The following HPSE2 variants were observed in gnomAD, a reference collection of about 807,000 sequenced individuals.
HPSE2 encodes the protein inactive heparanase-2.
A neutral mutation model predicts 60.5 loss-of-function variants in HPSE2; 38 were observed. That is an observed-to-expected ratio of 0.63 (90% CI 0.48 to 0.82). The LOEUF is 0.82. Ranked by LOEUF, HPSE2 falls within the 40% of genes least tolerant of loss-of-function variation. The pLI is 0.00. For missense variants in HPSE2, 713 were observed against 740.4 expected (o/e 0.96, Z 0.43); for synonymous variants, 295 against 293.2 (o/e 1.01, Z -0.06).
the HPSE2 span, among the ~76,000 whole-genome samples, chr10:99,285,514 G>A: frequency 7.7e-6 from 1 of 129,878 alleles, no homozygotes; most frequent in East Asian, 2.4e-4. Flanking sequence ...GGAAAGGGAA[G>A]GAGTAGGGTG....
intron 2 of HPSE2, among the ~76,000 whole-genome samples, chr10:99,178,486 A>C (rs902476943): frequency 1.3e-5 from 2 of 148,980 alleles, no homozygotes; most frequent in Admixed American, 1.4e-4. Context: ...AGAATACTAT[A>C]AACACCTCTA....
At chr10:98,545,547 CA>C (rs1943639619) in intron 9 of HPSE2, among the ~76,000 whole-genome samples, 1 of 152,120 alleles carries the variant, frequency 6.6e-6, no homozygotes, top group African/African-American at 2.4e-5. Context: ...GAACCAAAGA[CA>C]AAAACCACAT....
At chr10:98,483,918 C>T (rs533512549) in intron 10 of HPSE2, among the ~76,000 whole-genome samples, 6 of 152,212 alleles carry the variant, frequency 3.9e-5, no homozygotes, top group African/African-American at 1.4e-4. Flanking sequence ...CTTTTTGATG[C>T]CATTGATATT....
intron 3 of HPSE2, among the ~76,000 whole-genome samples, chr10:98,756,202 A>C (rs927506049): frequency 6.6e-6 from 1 of 152,138 alleles, no homozygotes; most frequent in Non-Finnish European, 1.5e-5. Flanking sequence ...TATAGCACTA[A>C]ACACCCACAT....
At chr10:98,555,617 ATTC>A (rs1943985085) in intron 9 of HPSE2, among the ~76,000 whole-genome samples, 2 of 152,336 alleles carry the variant, frequency 1.3e-5, no homozygotes, top group African/African-American at 4.8e-5. Context: ...ATACTTAACT[ATTC>A]TTCTGTGTAT....
rs934148983 is a variant in HPSE2, at chr10:98,743,673, T to A, written c.784+210A>T. 2.9e-5 allele frequency among the ~76,000 whole-genome samples: 4 copies of A among 139,550 alleles called. No homozygotes were observed. The Admixed American group carries it at 2.9e-4, about 10-fold the overall frequency. 91.6% of individuals were successfully genotyped at this position (139,550 alleles called of 152,430 possible). On this transcript the variant is annotated intron_variant, in intron 4 of 11. Transcript: ENST00000370552. Reference sequence around the variant, plus strand: ...ATATTTGGAATGAGGTAACTAGAGATAACTATAGATGCAAATGGTGTGTAT... The same window carrying A: ...ATATTTGGAATGAGGTAACTAGAGAAAACTATAGATGCAAATGGTGTGTAT...
chr10:99,220,188 A>G (rs1187005442), intron 2 of HPSE2, among the ~76,000 whole-genome samples: 2 of 152,218 alleles, frequency 1.3e-5, no homozygotes, highest in Non-Finnish European at 2.9e-5. Flanking sequence ...TAAGATGGAT[A>G]ATGGTGTTTA....
intron 3 of HPSE2, among the ~76,000 whole-genome samples, chr10:98,989,241 C>T (rs866535002): frequency 6.6e-6 from 1 of 152,142 alleles, no homozygotes; most frequent in Non-Finnish European, 1.5e-5. Context: ...GACTTGGAAC[C>T]AACCCAAATG....
the HPSE2 span, among the ~76,000 whole-genome samples, chr10:99,307,830 GCGCACACACACACACA>G: frequency 1.4e-5 from 2 of 141,024 alleles, no homozygotes; most frequent in African/African-American, 2.7e-5. Flanking sequence ...CCTAGTAAAT[GCGCACACACACACACA>G]CACACACACA....
Position 98,557,190 on chromosome 10 carries a change from G to A in HPSE2, c.1320+57714C>T, listed in dbSNP as rs184486717. On this transcript the variant is annotated intron_variant, in intron 9 of 11. Transcript: ENST00000370552. ...ATCGCACCACTGCACTCCAGTCTGCGCAACAGAGCAAGACTCTGTCTCCAA... is the reference window on the plus strand; with the variant it reads ...ATCGCACCACTGCACTCCAGTCTGCACAACAGAGCAAGACTCTGTCTCCAA... Among the ~76,000 whole-genome samples the A allele has an allele frequency of 2.2e-3, 336 of 152,076 alleles. 3 individuals are homozygous for A. The highest frequency in any genetic ancestry group is 3.4e-3 in the Middle Eastern group (1 of 294).
intron 2 of HPSE2, among the ~76,000 whole-genome samples, chr10:99,199,923 T>C (rs1848519312): frequency 6.6e-6 from 1 of 152,192 alleles, no homozygotes; most frequent in East Asian, 1.9e-4. Context: ...GAACATGGAA[T>C]GTCTTTCCAT....
chr10:98,728,900 T>C (rs1446445431), intron 4 of HPSE2, among the ~76,000 whole-genome samples: 1 of 152,020 alleles, frequency 6.6e-6, no homozygotes, highest in Non-Finnish European at 1.5e-5. Flanking sequence ...TCCCAGCTAC[T>C]CAGGAGGCTA....
intron 3 of HPSE2, among the ~76,000 whole-genome samples, chr10:98,929,906 C>A (rs1954594530): frequency 7.0e-6 from 1 of 143,482 alleles, no homozygotes; most frequent in Non-Finnish European, 1.5e-5. Context: ...GGCACATAGC[C>A]AATAAAATTT....
At chr10:98,641,246 T>A (rs866735203) in intron 7 of HPSE2, among the ~76,000 whole-genome samples, 1 of 152,108 alleles carries the variant, frequency 6.6e-6, no homozygotes, top group South Asian at 2.1e-4. Flanking sequence ...TCTTCCCTTA[T>A]GAAACTCACA....
intron 3 of HPSE2, among the ~76,000 whole-genome samples, chr10:98,776,689 C>A (rs1448846181): frequency 6.6e-6 from 1 of 151,896 alleles, no homozygotes; most frequent in East Asian, 1.9e-4. Flanking sequence ...GACAAGAAAA[C>A]TAAATGTAAG....
intron 3 of HPSE2, among the ~76,000 whole-genome samples, chr10:98,920,197 T>C (rs1954241941): frequency 6.6e-6 from 1 of 152,180 alleles, no homozygotes; most frequent in Non-Finnish European, 1.5e-5. Flanking sequence ...ATTTCTATAA[T>C]GGGGAACTTT....
At chr10:98,641,785 T>G in intron 7 of HPSE2, 62 bp downstream of exon 7, 1 of 1,256,450 alleles carries the variant, frequency 8.0e-7, no homozygotes, top group Non-Finnish European at 1.2e-6. Context: ...TGGGACTTTG[T>G]GTCTTTTTCC....
intron 9 of HPSE2, among the ~76,000 whole-genome samples, chr10:98,604,939 G>A (rs1188397897): frequency 2.6e-5 from 4 of 152,228 alleles, no homozygotes. Context: ...TGGTCTTCCA[G>A]TAGGTGAGCC....
chr10:98,966,369 G>A (rs1046009428), intron 3 of HPSE2, among the ~76,000 whole-genome samples: 1 of 152,152 alleles, frequency 6.6e-6, no homozygotes, highest in Admixed American at 6.6e-5. Context: ...CAGGTAGAGA[G>A]ACAGAAAGGC....
Sources: gnomAD v4.1 joint callset for allele counts (sites outside exome capture counted in the v4.1 genomes callset) on GRCh38, gnomAD v4.1.1 for gene constraint, MANE v1.5 for transcripts, NCBI Gene and HGNC (gene_info 2026-07-23, HGNC 2026-07-21) for gene names.